The following DENND1A variants were observed in gnomAD, a reference collection of about 807,000 sequenced individuals.
The protein encoded by DENND1A is DENN domain-containing protein 1A.
Under a neutral mutation model 113.7 loss-of-function variants are expected in DENND1A, and 51 were observed. That is an observed-to-expected ratio of 0.45 (90% CI 0.36 to 0.57). The LOEUF (loss-of-function observed/expected upper bound fraction) is 0.57. Among genes scored for constraint, DENND1A ranks in the 20% least tolerant of loss-of-function variants. The probability of loss-of-function intolerance (pLI) is 0.00; values close to 1 mark genes in which losing one functional copy is unlikely to be tolerated. For missense variants in DENND1A, 1,258 were observed against 1,395.9 expected (o/e 0.90, Z 1.57); for synonymous variants, 565 against 570.8 (o/e 0.99, Z 0.14).
intron 13 of DENND1A, among the ~76,000 whole-genome samples, chr9:123,478,757 T>G (rs1245153742): frequency 6.6e-6 from 1 of 152,214 alleles, no homozygotes; most frequent in Non-Finnish European, 1.5e-5. Context: ...ATAAAATTCT[T>G]TCCACTTTTC....
chr9:123,678,648 CTCTGTCATTAACG>C (rs1160540796), intron 5 of DENND1A, among the ~76,000 whole-genome samples: 1 of 152,190 alleles, frequency 6.6e-6, no homozygotes, highest in Non-Finnish European at 1.5e-5. Context: ...GTGCACAGTC[CTCTGTCATTAACG>C]TCTGTCTAAA....
At chr9:123,480,303 C>T (rs2050231171) in intron 13 of DENND1A, among the ~76,000 whole-genome samples, 1 of 152,200 alleles carries the variant, frequency 6.6e-6, no homozygotes, top group Non-Finnish European at 1.5e-5. Context: ...TCACGCCACA[C>T]CTGCGGAAGC....
intron 18 of DENND1A, among the ~76,000 whole-genome samples, chr9:123,440,983 C>T (rs1348763837): frequency 6.6e-6 from 1 of 152,146 alleles, no homozygotes; most frequent in Non-Finnish European, 1.5e-5. Context: ...TATTCTACTA[C>T]TATTGGGCAT....
chr9:123,622,108 G>A (rs1011585329), intron 10 of DENND1A, among the ~76,000 whole-genome samples: 5 of 152,150 alleles, frequency 3.3e-5, no homozygotes, highest in South Asian at 2.1e-4. Flanking sequence ...ATGTAAAATC[G>A]AAACCTTCAC....
intron 20 of DENND1A, among the ~76,000 whole-genome samples, chr9:123,409,262 C>G (rs2044120096): frequency 6.6e-6 from 1 of 151,986 alleles, no homozygotes; most frequent in Non-Finnish European, 1.5e-5. Flanking sequence ...AGTTCAGCTG[C>G]TACTGATTCA....
intron 13 of DENND1A, among the ~76,000 whole-genome samples, chr9:123,536,356 G>A (rs1205326024): frequency 1.3e-5 from 2 of 151,780 alleles, no homozygotes; most frequent in African/African-American, 4.8e-5. Flanking sequence ...TGTAGTCCCA[G>A]CTATTCGGGA....
At chr9:123,531,662 T>C (rs1472540661) in intron 13 of DENND1A, among the ~76,000 whole-genome samples, 1 of 150,096 alleles carries the variant, frequency 6.7e-6, no homozygotes, top group Non-Finnish European at 1.5e-5. Context: ...TAAGAAAAAA[T>C]TGCAGACATG....
At chr9:123,531,821 C>T (rs2055348448) in intron 13 of DENND1A, among the ~76,000 whole-genome samples, 1 of 151,810 alleles carries the variant, frequency 6.6e-6, no homozygotes, top group Admixed American at 6.6e-5. Context: ...ATATATAAAC[C>T]CCATAATAAA....
At chr9:123,730,499 G>T (rs2068080930) in intron 5 of DENND1A, among the ~76,000 whole-genome samples, 1 of 152,048 alleles carries the variant, frequency 6.6e-6, no homozygotes, top group Admixed American at 6.6e-5. Context: ...ACAAACATAT[G>T]AAAAAAAGCT....
intron 13 of DENND1A, among the ~76,000 whole-genome samples, chr9:123,557,082 G>A (rs2057459368): frequency 6.6e-6 from 1 of 152,234 alleles, no homozygotes; most frequent in Admixed American, 6.5e-5. Context: ...AGGAGGCTCT[G>A]CTTTCTCAAG....
intron 1 of DENND1A, among the ~76,000 whole-genome samples, chr9:123,902,161 T>TCACACACACACA (rs1232745098): frequency 7.8e-6 from 1 of 128,164 alleles, no homozygotes; most frequent in Non-Finnish European, 1.6e-5. Flanking sequence ...TACTCATGGG[T>TCACACACACACA]CACACACACA....
intron 5 of DENND1A, among the ~76,000 whole-genome samples, chr9:123,697,980 C>A (rs2065631742): frequency 6.6e-6 from 1 of 152,148 alleles, no homozygotes; most frequent in South Asian, 2.1e-4. Flanking sequence ...TTGCTGTCAA[C>A]AACAGGTTAA....
At chr9:123,891,499 T>C (rs144399696) in intron 1 of DENND1A, among the ~76,000 whole-genome samples, 2 of 152,328 alleles carry the variant, frequency 1.3e-5, no homozygotes, top group East Asian at 3.9e-4. Flanking sequence ...ATGAACCTAT[T>C]TTCCTAAGTG....
At chr9:123,601,406 A>G (rs1037437985) in intron 11 of DENND1A, among the ~76,000 whole-genome samples, 1 of 152,244 alleles carries the variant, frequency 6.6e-6, no homozygotes. Flanking sequence ...TACTGTGAAG[A>G]GGAGACAGCT....
intron 8 of DENND1A, among the ~76,000 whole-genome samples, chr9:123,663,674 T>C (rs1049315561): frequency 6.6e-6 from 1 of 151,614 alleles, no homozygotes; most frequent in Non-Finnish European, 1.5e-5. Context: ...GTGGTGGTAA[T>C]GGGGGCCTTT....
chr9:123,808,707 T>C (rs1836025287), intron 2 of DENND1A, among the ~76,000 whole-genome samples: 2 of 152,138 alleles, frequency 1.3e-5, no homozygotes, highest in South Asian at 2.1e-4. Flanking sequence ...ATTACTGTTA[T>C]ACAGACTTGA....
intron 13 of DENND1A, among the ~76,000 whole-genome samples, chr9:123,488,337 G>T (rs770774781): frequency 2.6e-5 from 4 of 152,200 alleles, no homozygotes; most frequent in Non-Finnish European, 4.4e-5. Flanking sequence ...GAGGGAGCAT[G>T]GACAATGGTA....
At chr9:123,441,435 G>C (rs2046925023) in intron 18 of DENND1A, among the ~76,000 whole-genome samples, 1 of 152,194 alleles carries the variant, frequency 6.6e-6, no homozygotes, top group Non-Finnish European at 1.5e-5. Flanking sequence ...AGGACTCTAT[G>C]ACTTGGGAAA....
chr9:123,704,497 T>C (rs994860728), intron 5 of DENND1A, among the ~76,000 whole-genome samples: 1 of 152,208 alleles, frequency 6.6e-6, no homozygotes, highest in Admixed American at 6.5e-5. Context: ...TCACCCATCG[T>C]GGTCTCATAA....
Sources: allele counts gnomAD v4.1 joint callset (sites outside exome capture counted in the v4.1 genomes callset), GRCh38; gene constraint gnomAD v4.1.1; transcripts MANE v1.5; gene names NCBI Gene and HGNC (gene_info 2026-07-23, HGNC 2026-07-21).